The following NMNAT1 variants were observed in gnomAD, a reference collection of about 807,000 sequenced individuals.
NMNAT1 encodes nicotinamide/nicotinic acid mononucleotide adenylyltransferase 1.
In NMNAT1, 11 loss-of-function variants were observed where a neutral mutation model predicts 16.7. The ratio of observed to expected loss-of-function variants is 0.66; its 90% CI spans 0.41 to 1.09. The LOEUF (loss-of-function observed/expected upper bound fraction) is 1.09, where lower values mean the gene tolerates loss of function less well. Ranked by LOEUF, NMNAT1 falls within the 50% of genes least tolerant of loss-of-function variation. The pLI is 0.00. For synonymous variants in NMNAT1, 110 were observed against 119.8 expected (o/e 0.92, Z 0.53); for missense variants, 280 against 332.3 (o/e 0.84, Z 1.22).
chr1:9,966,514 G>A (rs1641547738), intron 1 of NMNAT1, among the ~76,000 whole-genome samples: 1 of 152,030 alleles, frequency 6.6e-6, no homozygotes, highest in East Asian at 1.9e-4. Context: ...TCAGGAGGCT[G>A]AGGCAGGAGA....
chr1:9,968,237 A>C (rs1302611483), intron 1 of NMNAT1, among the ~76,000 whole-genome samples: 1 of 151,010 alleles, frequency 6.6e-6, no homozygotes, highest in African/African-American at 2.4e-5. Context: ...ACGCCTGGCT[A>C]ATTTTTTTGT....
chr1:9,979,960 T>C (rs1641905131), intron 3 of NMNAT1, among the ~76,000 whole-genome samples: 1 of 151,786 alleles, frequency 6.6e-6, no homozygotes, highest in Admixed American at 6.6e-5. Context: ...AGGCGGAGTT[T>C]TGCTCTTGTT....
chr1:9,972,751 A>G (rs1324419145), intron 2 of NMNAT1, among the ~76,000 whole-genome samples: 2 of 152,100 alleles, frequency 1.3e-5, no homozygotes, highest in Non-Finnish European at 2.9e-5. Flanking sequence ...TGAGGCCAGG[A>G]GTTTGAGACC....
chr1:9,949,182 G>A (rs998187137), intron 1 of NMNAT1, among the ~76,000 whole-genome samples: 13 of 150,678 alleles, frequency 8.6e-5, no homozygotes, highest in African/African-American at 1.7e-4. Flanking sequence ...AGGCAGAATC[G>A]CTTGAACCCT....
At chr1:9,951,022 G>A (rs193171225) in intron 1 of NMNAT1, among the ~76,000 whole-genome samples, 12 of 151,772 alleles carry the variant, frequency 7.9e-5, no homozygotes, top group African/African-American at 2.9e-4. Context: ...CCAGGAGGAG[G>A]AGGTTGCAGT....
chr1:9,988,436 C>A (rs1642072303), downstream of NMNAT1, among the ~76,000 whole-genome samples: 1 of 151,964 alleles, frequency 6.6e-6, no homozygotes, highest in Non-Finnish European at 1.5e-5. Flanking sequence ...TGTGATGAAT[C>A]ATGCCTGTAA....
At chr1:9,956,770 C>T (rs1178340423) in intron 1 of NMNAT1, among the ~76,000 whole-genome samples, 3 of 138,304 alleles carry the variant, frequency 2.2e-5, no homozygotes, top group Non-Finnish European at 4.6e-5. Context: ...CTCGCTCTGT[C>T]ACCCAGGCTG....
chr1:9,966,957 C>T (rs1368729476), intron 1 of NMNAT1, among the ~76,000 whole-genome samples: 1 of 152,114 alleles, frequency 6.6e-6, no homozygotes. Context: ...GGCACAGTGG[C>T]TCGAGCCTGT....
chr1:9,985,309 CAT>C lies in NMNAT1; in HGVS notation c.*2610_*2611del, dbSNP rs916616133. ...GCTTGTGCTCCTGAGTGCCTTATAT[CAT>C]AAGGAAACGGCAAAATCAGGGGACT... is the stretch of plus-strand genomic sequence containing the variant. On this transcript the variant is annotated 3_prime_UTR_variant, in exon 5 of 5. Transcript: ENST00000377205. 2 of 152,134 alleles carry C rather than the reference CAT, an allele frequency of 1.3e-5. No individual in the cohort carries two copies. Among genetic ancestry groups the C allele is most frequent in the African/African-American group, 4.8e-5 (2 of 41,428 alleles). 9.4% of individuals were successfully genotyped at this position (152,134 alleles called of 1,614,324 possible).
intron 1 of NMNAT1, among the ~76,000 whole-genome samples, chr1:9,959,247 C>T (rs915969528): frequency 6.6e-6 from 1 of 151,816 alleles, no homozygotes; most frequent in Non-Finnish European, 1.5e-5. Context: ...TGGCGGGCGC[C>T]TGTAATCCCA....
In NMNAT1 at chr1:9,962,312, C is replaced by T. The variant is rs558064816; in HGVS notation, c.-56-9706C>T. Among the ~76,000 whole-genome samples the T allele has an allele frequency of 2.4e-3, 364 of 151,618 alleles. 1 individual carries two copies. Among genetic ancestry groups the T allele is most frequent in the Middle Eastern group, 6.8e-3 (2 of 294 alleles). On this transcript the variant is annotated intron_variant, in intron 1 of 4. Coordinates refer to ENST00000377205, the MANE Select transcript of NMNAT1 (RefSeq NM_022787.4). ...CCTGGCTAACATGGTGAAACCCCGT[C>T]TCTACTAAAAATACAAAAAATTAGC... is the stretch of plus-strand genomic sequence containing the variant.
chr1:9,985,887 G>C (rs984795449), downstream of NMNAT1, among the ~76,000 whole-genome samples: 1 of 152,096 alleles, frequency 6.6e-6, no homozygotes, highest in African/African-American at 2.4e-5. Context: ...GGCCTCAAAT[G>C]ATCCGCCCAC....
At chr1:9,979,065 A>G (rs1017321524) in intron 3 of NMNAT1, among the ~76,000 whole-genome samples, 1 of 152,208 alleles carries the variant, frequency 6.6e-6, no homozygotes, top group Non-Finnish European at 1.5e-5. Context: ...TCCTCTGTCA[A>G]TGGGGTAATA....
chr1:9,989,482 C>T (rs936290168), downstream of NMNAT1, among the ~76,000 whole-genome samples: 2 of 151,780 alleles, frequency 1.3e-5, no homozygotes, highest in African/African-American at 4.8e-5. Flanking sequence ...GCTCAGCCAG[C>T]AGAGAGTGGA....
chr1:9,980,949 C>T, intron 3 of NMNAT1, 82 bp from the exon 4 acceptor site: 1 of 1,468,106 alleles, frequency 6.8e-7, no homozygotes, highest in Non-Finnish European at 9.1e-7. Context: ...AGCCACTGTG[C>T]CCAGCTATAA....
chr1:9,972,919 C>T (rs1213746514), intron 2 of NMNAT1, among the ~76,000 whole-genome samples: 1 of 152,088 alleles, frequency 6.6e-6, no homozygotes, highest in Non-Finnish European at 1.5e-5. Context: ...CATGATTGCA[C>T]CTTTGCCCAC....
intron 1 of NMNAT1, among the ~76,000 whole-genome samples, chr1:9,944,296 T>C (rs886902133): frequency 2.0e-5 from 3 of 152,052 alleles, no homozygotes; most frequent in African/African-American, 7.2e-5. Context: ...TGTCGCGGTG[T>C]GACACCTGTA....
chr1:9,953,942 A>G (rs1478159003), intron 1 of NMNAT1, among the ~76,000 whole-genome samples: 1 of 150,318 alleles, frequency 6.7e-6, no homozygotes, highest in Non-Finnish European at 1.5e-5. Flanking sequence ...CGTAGCTGGG[A>G]CTACAGGCAC....
chr1:9,970,470 G>A (rs772777340), intron 1 of NMNAT1, among the ~76,000 whole-genome samples: 1 of 151,988 alleles, frequency 6.6e-6, no homozygotes, highest in African/African-American at 2.4e-5. Context: ...TGAGGCAGGC[G>A]GATCACAAGG....
Sources: gnomAD v4.1 joint callset for allele counts (sites outside exome capture counted in the v4.1 genomes callset) on GRCh38, gnomAD v4.1.1 for gene constraint, MANE v1.5 for transcripts, NCBI Gene and HGNC (gene_info 2026-07-23, HGNC 2026-07-21) for gene names.